The following SLC16A10 variants were observed in gnomAD, a reference collection of about 807,000 sequenced individuals.
SLC16A10 encodes the protein solute carrier family 16 member 10.
In SLC16A10, 27 loss-of-function variants were observed where a neutral mutation model predicts 40.0. That is an observed-to-expected ratio of 0.67 (90% confidence interval 0.50 to 0.93). The LOEUF is 0.93. Ranked by LOEUF, SLC16A10 falls within the 40% of genes least tolerant of loss-of-function variation. The probability of loss-of-function intolerance (pLI) is 0.00; values close to 1 mark genes in which losing one functional copy is unlikely to be tolerated. For missense variants in SLC16A10, 529 were observed against 658.2 expected, an observed-to-expected ratio of 0.80 and a Z score of 2.15; for synonymous variants, 213 against 249.8, an observed-to-expected ratio of 0.85 and a Z score of 1.39.
chr6:111,186,363 C>A (rs1006712291), intron 3 of SLC16A10, among the ~76,000 whole-genome samples: 2 of 152,158 alleles, frequency 1.3e-5, no homozygotes, highest in Non-Finnish European at 2.9e-5. Flanking sequence ...GTTTGAGGAA[C>A]CTAAATTAGC....
chr6:111,178,415 T>G (rs1375382001), intron 3 of SLC16A10: 2 of 532,790 alleles, frequency 3.8e-6, no homozygotes, highest in African/African-American at 1.9e-5. Context: ...AAATTCAGCT[T>G]TGTTATACTG....
intron 1 of SLC16A10, among the ~76,000 whole-genome samples, chr6:111,143,742 GTC>G (rs979000957): frequency 6.6e-5 from 10 of 152,292 alleles, no homozygotes; most frequent in African/African-American, 2.4e-4. Context: ...GCAGTGAAAT[GTC>G]TCTGATACAG....
rs530791254 is a variant in SLC16A10 at position 111,183,852 on chromosome 6, G to A, written c.942+6187G>A. ...CCACTGAAAAATCTCAAAGAGTCTG[G>A]AGTGGTGTGTTTAAGAATAGGATGC... On this transcript the variant is annotated intron_variant, in intron 3 of 5. Coordinates refer to ENST00000368851, the MANE Select transcript of SLC16A10 (RefSeq NM_018593.5). 1.4e-3 allele frequency among the ~76,000 whole-genome samples: 217 copies of A among 152,282 alleles called. 1 individual carries two copies. The highest frequency in any genetic ancestry group is 2.6e-3 in the Non-Finnish European group (177 of 68,028).
rs1770901745 is a variant in SLC16A10 at position 111,088,055 on chromosome 6, C to A, written c.303C>A (p.Thr101=). 6.2e-7 allele frequency: 1 copy of A among 1,608,636 alleles called. No homozygotes were observed. Among genetic ancestry groups the A allele is most frequent in the Non-Finnish European group, 8.5e-7 (1 of 1,177,624 alleles). Residue 101 remains threonine, a synonymous_variant, in exon 1 of 6, where the codon ACC becomes ACA. Transcript: ENST00000368851. ...CGVLFVSMLE[T]FGSKDDDKMV... ...TGCTCTTCGTGTCCATGCTGGAAAC[C>A]TTCGGCTCCAAAGACGATGACAAGA...
chr6:111,160,283 G>A (rs1772346442), intron 1 of SLC16A10, among the ~76,000 whole-genome samples: 1 of 152,164 alleles, frequency 6.6e-6, no homozygotes, highest in South Asian at 2.1e-4. Context: ...CTGTTGCCCA[G>A]GCTGGAGTGC....
chr6:111,117,733 G>A (rs946998534), intron 1 of SLC16A10, among the ~76,000 whole-genome samples: 4 of 152,200 alleles, frequency 2.6e-5, no homozygotes, highest in Non-Finnish European at 5.9e-5. Context: ...GAATTCAGGA[G>A]CTGGTGATGA....
intron 1 of SLC16A10, among the ~76,000 whole-genome samples, chr6:111,139,648 C>A (rs1428705709): frequency 6.6e-6 from 1 of 152,134 alleles, no homozygotes; most frequent in Non-Finnish European, 1.5e-5. Context: ...TATATATGTA[C>A]CACATTTTCT....
intron 1 of SLC16A10, among the ~76,000 whole-genome samples, chr6:111,091,786 A>AG (rs1770979617): frequency 6.6e-6 from 1 of 152,348 alleles, no homozygotes; most frequent in African/African-American, 2.4e-5. Flanking sequence ...ATTCACACTA[A>AG]GGTGTAAGTG....
At chr6:111,146,310 T>C (rs910876684) in intron 1 of SLC16A10, among the ~76,000 whole-genome samples, 10 of 152,140 alleles carry the variant, frequency 6.6e-5, no homozygotes, top group African/African-American at 2.2e-4. Flanking sequence ...GGCAAGTATG[T>C]GGAAAAATTA....
chr6:111,200,249 G>A (rs1396207384), intron 3 of SLC16A10, among the ~76,000 whole-genome samples: 3 of 152,090 alleles, frequency 2.0e-5, no homozygotes, highest in African/African-American at 7.2e-5. Flanking sequence ...TAAAAATGTT[G>A]GCAAGCAAAG....
In SLC16A10 at chr6:111,222,319, A is replaced by C; in HGVS notation, c.*84A>C. On this transcript the variant is annotated 3_prime_UTR_variant, in exon 6 of 6. Coordinates refer to ENST00000368851, the MANE Select transcript of SLC16A10 (RefSeq NM_018593.5). ...TCCTTTTATACAAATTGCAAATTTC[A>C]TATTTTTTTAATCACATCCTAGGAA... 1 of 1,479,396 alleles carries C rather than the reference A, an allele frequency of 6.8e-7. No homozygotes were observed. The highest frequency in any genetic ancestry group is 8.9e-7 in the Non-Finnish European group (1 of 1,123,958). The allele number at this position is 1,479,396 out of a possible 1,614,324, so 91.6% of individuals were successfully genotyped here.
chr6:111,182,334 C>CTTTTTTTTTTTTG, intron 3 of SLC16A10, among the ~76,000 whole-genome samples: 1 of 75,280 alleles, frequency 1.3e-5, no homozygotes, highest in Non-Finnish European at 2.6e-5. Context: ...TTTTTTTTTC[C>CTTTTTTTTTTTTG]TTTTTAACGG....
intron 1 of SLC16A10, among the ~76,000 whole-genome samples, chr6:111,166,268 G>A (rs1002601718): frequency 2.3e-5 from 3 of 131,104 alleles, no homozygotes; most frequent in African/African-American, 8.0e-5. Context: ...CTCTTTTACT[G>A]GCATGTCAGG....
intron 1 of SLC16A10, among the ~76,000 whole-genome samples, chr6:111,161,996 T>G (rs1772380580): frequency 6.6e-6 from 1 of 152,220 alleles, no homozygotes; most frequent in Non-Finnish European, 1.5e-5. Context: ...GATCACTGGT[T>G]GGTTCACAGA....
chr6:111,117,268 C>T (rs1399027829), intron 1 of SLC16A10, among the ~76,000 whole-genome samples: 5 of 143,440 alleles, frequency 3.5e-5, no homozygotes, highest in Admixed American at 7.5e-5. Flanking sequence ...AGGAGAATGG[C>T]GTGAACCCGG....
At chr6:111,114,605 C>T (rs986004188) in intron 1 of SLC16A10, among the ~76,000 whole-genome samples, 1 of 151,622 alleles carries the variant, frequency 6.6e-6, no homozygotes, top group Non-Finnish European at 1.5e-5. Flanking sequence ...TTTATTGAAG[C>T]ATAGTTATGT....
At chr6:111,212,375 AAT>A (rs1324300206) in intron 4 of SLC16A10, among the ~76,000 whole-genome samples, 1 of 152,166 alleles carries the variant, frequency 6.6e-6, no homozygotes, top group Non-Finnish European at 1.5e-5. Flanking sequence ...TCTAATCCTG[AAT>A]TAGAGTCTTT....
intron 1 of SLC16A10, among the ~76,000 whole-genome samples, chr6:111,092,316 T>G (rs71562277): frequency 4.9e-5 from 2 of 41,232 alleles, no homozygotes; most frequent in South Asian, 4.1e-4. Context: ...TTTTTTGTTG[T>G]TTTTTTTTTT....
At chr6:111,133,684 C>A (rs1771825921) in intron 1 of SLC16A10, among the ~76,000 whole-genome samples, 1 of 152,118 alleles carries the variant, frequency 6.6e-6, no homozygotes, top group Admixed American at 6.5e-5. Context: ...TACAGGAAGC[C>A]CTCAGAGTCT....
Sources: gnomAD v4.1 joint callset for allele counts (sites outside exome capture counted in the v4.1 genomes callset) on GRCh38, gnomAD v4.1.1 for gene constraint, MANE v1.5 for transcripts, NCBI Gene and HGNC (gene_info 2026-07-23, HGNC 2026-07-21) for gene names.